Variants in ZNF717 observed in about 807,000 individuals in gnomAD.
ZNF717 encodes zinc finger protein 717, also known as krueppel-like factor X17.
ZNF717 carries 9 observed loss-of-function variants against 13.8 expected under a neutral mutation model. That is an observed-to-expected ratio of 0.65 (90% CI 0.39 to 1.14). The LOEUF is 1.14. Among genes scored for constraint, ZNF717 ranks in the 50% most tolerant of loss-of-function variants. The pLI, the probability that ZNF717 is intolerant of heterozygous loss-of-function variation, is 0.01. For missense variants in ZNF717, 1,040 were observed against 1,080.7 expected (o/e 0.96, Z 0.53); for synonymous variants, 327 against 364.1 (o/e 0.90, Z 1.16).
At chr3:75,753,499 C>T (rs144538104) in intron 2 of ZNF717, among the ~76,000 whole-genome samples, 46 of 57,768 alleles carry the variant, frequency 8.0e-4, no homozygotes, top group South Asian at 1.7e-3. Flanking sequence ...GTCTGAATAT[C>T]TGTCCGTTAC....
At chr3:75,707,736 G>A (rs112178832), downstream of ZNF717, among the ~76,000 whole-genome samples, 2 of 152,136 alleles carry the variant, frequency 1.3e-5, no homozygotes, top group Admixed American at 6.5e-5. Flanking sequence ...CCGGAAAATC[G>A]GGTCACTCCC....
At chr3:75,699,516 C>T (rs368949085) in intron 6 of ZNF717, among the ~76,000 whole-genome samples, 4 of 152,402 alleles carry the variant, frequency 2.6e-5, no homozygotes, top group African/African-American at 9.6e-5. Flanking sequence ...AGTTAGCTTT[C>T]ATGAGAGTTG....
At chr3:75,720,466 T>C (rs2918475) in intron 4 of ZNF717, among the ~76,000 whole-genome samples, 64,130 of 151,396 alleles carry the variant, frequency 0.42, 14,026 homozygotes, top group South Asian at 0.61. Flanking sequence ...ATGGGAACAA[T>C]AGACACTAGG....
In ZNF717 at chr3:75,718,837, G is replaced by A. The variant is rs1353374417; in HGVS notation, n.545-2296C>T. ...CCACTCACCTCCTGATGTGCAGCCC[G>A]GTTCCTCAGAGGCCACGGGCAATAC... On this transcript the variant is annotated intron_variant and non_coding_transcript_variant, in intron 4 of 5. Transcript: ENST00000491507. Among the ~76,000 whole-genome samples the A allele has an allele frequency of 4.6e-5, 7 of 152,260 alleles. No individual in the cohort carries two copies. In the East Asian group the frequency reaches 9.7e-4, roughly 21 times the overall value.
chr3:75,731,299 C>T (rs1311882670), downstream of ZNF717, among the ~76,000 whole-genome samples: 2 of 131,078 alleles, frequency 1.5e-5, no homozygotes, highest in African/African-American at 3.0e-5. Context: ...ATTGCTTGAA[C>T]CTGGGAGGTG....
At chr3:75,745,878 TA>T (rs1342913710) in intron 2 of ZNF717, among the ~76,000 whole-genome samples, 3 of 151,368 alleles carry the variant, frequency 2.0e-5, no homozygotes, top group Admixed American at 1.3e-4. Context: ...TATTTATATA[TA>T]TTTTTTTATT....
chr3:75,749,685 A>C (rs1575820862), intron 2 of ZNF717, among the ~76,000 whole-genome samples: 2 of 145,186 alleles, frequency 1.4e-5, no homozygotes, highest in Non-Finnish European at 1.5e-5. Context: ...GATTCTGAGT[A>C]TTTCCCCTCA....
intron 6 of ZNF717, among the ~76,000 whole-genome samples, chr3:75,703,201 C>T (rs1230909194): frequency 6.6e-6 from 1 of 152,306 alleles, no homozygotes; most frequent in Non-Finnish European, 1.5e-5. Context: ...ATTTGCTCAG[C>T]TCCCTGCTCA....
chr3:75,745,644 T>A (rs1163417412), intron 2 of ZNF717, among the ~76,000 whole-genome samples: 2 of 152,102 alleles, frequency 1.3e-5, no homozygotes, highest in African/African-American at 4.8e-5. Context: ...CTAGCTCTGA[T>A]ACCCACCATT....
intron 6 of ZNF717, among the ~76,000 whole-genome samples, chr3:75,699,149 C>T (rs1391414670): frequency 6.6e-6 from 1 of 152,414 alleles, no homozygotes; most frequent in Non-Finnish European, 1.5e-5. Flanking sequence ...CCCAATGCCA[C>T]TGCCCCATTT....
intron 2 of ZNF717, among the ~76,000 whole-genome samples, chr3:75,772,694 T>C (rs555239481): frequency 2.6e-5 from 4 of 152,342 alleles, no homozygotes; most frequent in Admixed American, 2.6e-4. Flanking sequence ...CCCTCACTGC[T>C]CTGTACCCAG....
intron 4 of ZNF717, among the ~76,000 whole-genome samples, chr3:75,718,860 T>A (rs1295879257): frequency 6.6e-6 from 1 of 152,206 alleles, no homozygotes; most frequent in Non-Finnish European, 1.5e-5. Context: ...CCACGGGCAA[T>A]ACCTGTCCAT....
At chr3:75,757,656 T>C (rs995269623) in intron 2 of ZNF717, among the ~76,000 whole-genome samples, 6 of 151,976 alleles carry the variant, frequency 3.9e-5, no homozygotes, top group Admixed American at 2.6e-4. Context: ...AACTTTCAAG[T>C]CTTATCACTT....
chr3:75,774,932 T>C (rs1944193472), intron 2 of ZNF717, among the ~76,000 whole-genome samples: 2 of 151,838 alleles, frequency 1.3e-5, no homozygotes, highest in African/African-American at 4.8e-5. Context: ...ATTTCTAAAA[T>C]TCTAATATGT....
chr3:75,711,027 T>A (rs1937926988), exon 6 of ZNF717: 1 of 152,194 alleles, frequency 6.6e-6, no homozygotes, highest in Non-Finnish European at 1.5e-5. Context: ...TTTTTACTCA[T>A]TCACTGTCAG....
At chr3:75,733,262 AAGAG>A (rs1938749599), downstream of ZNF717, among the ~76,000 whole-genome samples, 1 of 141,988 alleles carries the variant, frequency 7.0e-6, no homozygotes, top group South Asian at 2.2e-4. Flanking sequence ...TAGAAGGAAA[AAGAG>A]AGAAATAGAA....
rs36024450 is a variant in ZNF717, at chr3:75,762,440, CAAA to C, written c.58-20707_58-20705del. Among the ~76,000 whole-genome samples, 663 of 116,424 alleles carry C rather than the reference CAAA, an allele frequency of 5.7e-3. 2 individuals carry two copies. The highest frequency in any genetic ancestry group is 0.021 in the African/African-American group (635 of 29,596). The allele number at this position is 116,424 out of a possible 152,430, so 76.4% of individuals were successfully genotyped here. On this transcript the variant is annotated intron_variant, in intron 2 of 4. Transcript: ENST00000652011. ...TGGGAGACAGAGCAAGACTCCATCT[CAAA>C]AAAAAAAAAAAAAAAAGAATTACAT... is the stretch of plus-strand genomic sequence containing the variant.
At chr3:75,718,332 C>T (rs1938098311) in intron 4 of ZNF717, among the ~76,000 whole-genome samples, 1 of 152,110 alleles carries the variant, frequency 6.6e-6, no homozygotes, top group African/African-American at 2.4e-5. Flanking sequence ...TTCGGCTGGG[C>T]TCCTACCGTT....
At chr3:75,764,013 C>G (rs1457037374) in intron 2 of ZNF717, among the ~76,000 whole-genome samples, 2 of 152,188 alleles carry the variant, frequency 1.3e-5, no homozygotes, top group East Asian at 1.9e-4. Flanking sequence ...TACTAGACTA[C>G]TCGTGAGGCT....
Sources: gnomAD v4.1 joint callset for allele counts (sites outside exome capture counted in the v4.1 genomes callset) on GRCh38, gnomAD v4.1.1 for gene constraint, MANE v1.5 for transcripts, NCBI Gene and HGNC (gene_info 2026-07-23, HGNC 2026-07-21) for gene names.